NRXN3: variants seen among roughly 807,000 people sequenced by gnomAD.
NRXN3 encodes neurexin 3, also known as neurexin III.
A neutral mutation model predicts 137.6 loss-of-function variants in NRXN3; 32 were observed. That is an observed-to-expected ratio of 0.23 (90% confidence interval 0.18 to 0.31). The LOEUF (loss-of-function observed/expected upper bound fraction) is 0.31, where lower values mean the gene tolerates loss of function less well. Ranked by LOEUF, NRXN3 falls within the 10% of genes least tolerant of loss-of-function variation. The pLI is 1.00. For synonymous variants in NRXN3, 798 were observed against 784.5 expected, an observed-to-expected ratio of 1.02 and a Z score of -0.29; for missense variants, 1,574 against 2,062.5, an observed-to-expected ratio of 0.76 and a Z score of 4.59.
At chr14:79,148,496 A>G (rs1366202484) in intron 15 of NRXN3, among the ~76,000 whole-genome samples, 1 of 152,170 alleles carries the variant, frequency 6.6e-6, no homozygotes, top group Non-Finnish European at 1.5e-5. Flanking sequence ...CCTGTTGGAC[A>G]CATTGTTAAA....
chr14:79,360,206 G>C (rs751761359), intron 15 of NRXN3, among the ~76,000 whole-genome samples: 10 of 152,176 alleles, frequency 6.6e-5, no homozygotes, highest in Non-Finnish European at 1.5e-4. Flanking sequence ...GCATCAAAAT[G>C]AACATTTTTC....
intron 16 of NRXN3, among the ~76,000 whole-genome samples, chr14:79,490,484 TA>T (rs975471303): frequency 6.6e-6 from 1 of 151,942 alleles, no homozygotes; most frequent in African/African-American, 2.4e-5. Flanking sequence ...TATTCAGTCA[TA>T]AAAAAAGAAT....
chr14:78,747,563 T>C (rs998659188), intron 8 of NRXN3, among the ~76,000 whole-genome samples: 3 of 152,180 alleles, frequency 2.0e-5, no homozygotes, highest in Admixed American at 2.0e-4. Context: ...TGATTTTCTT[T>C]TTCCTAATTT....
chr14:79,710,861 G>GAAAT lies in NRXN3; in HGVS notation c.4014+12926_4014+12929dup, dbSNP rs1215718506. 4.6e-5 allele frequency among the ~76,000 whole-genome samples: 7 copies of GAAAT among 152,250 alleles called. No individual in the cohort carries two copies. The East Asian group carries it at 7.7e-4, about 17-fold the overall frequency. Reference sequence around the variant, plus strand: ...GCAAGACTTTGGAGAAATAAAGAATGAAATAGAAATTTTTCTGCTTTAGAG... The same window carrying GAAAT: ...GCAAGACTTTGGAGAAATAAAGAATGAAATAAATAGAAATTTTTCTGCTTTAGAG... On this transcript the variant is annotated intron_variant, in intron 19 of 20. Coordinates refer to ENST00000335750, the MANE Select transcript of NRXN3 (RefSeq NM_001330195.2).
intron 4 of NRXN3, among the ~76,000 whole-genome samples, chr14:78,607,187 A>T (rs989342659): frequency 2.0e-5 from 3 of 152,332 alleles, no homozygotes; most frequent in Middle Eastern, 3.4e-3. Context: ...GGACCAAATC[A>T]TGTCTTTATT....
chr14:78,548,826 C>G (rs948459597), intron 4 of NRXN3, among the ~76,000 whole-genome samples: 2 of 152,164 alleles, frequency 1.3e-5, no homozygotes, highest in Non-Finnish European at 2.9e-5. Flanking sequence ...TACCCAAGAC[C>G]AGGTCCCTTC....
intron 15 of NRXN3, among the ~76,000 whole-genome samples, chr14:79,431,241 T>G (rs2095749292): frequency 6.6e-6 from 1 of 152,210 alleles, no homozygotes; most frequent in Non-Finnish European, 1.5e-5. Flanking sequence ...CCCTCTGCCA[T>G]AAGTTTGCAA....
At chr14:79,783,114 C>T (rs1033617502) in intron 19 of NRXN3, among the ~76,000 whole-genome samples, 20 of 152,110 alleles carry the variant, frequency 1.3e-4, no homozygotes, top group African/African-American at 4.6e-4. Flanking sequence ...ATAAATGTCC[C>T]GAGAGCTTTG....
chr14:79,770,277 A>C (rs1046395888), intron 19 of NRXN3, among the ~76,000 whole-genome samples: 9 of 152,242 alleles, frequency 5.9e-5, no homozygotes, highest in African/African-American at 1.7e-4. Context: ...AGCGGACCTA[A>C]TAGACATCTC....
At chr14:78,934,549 C>T (rs1209024427) in intron 10 of NRXN3, among the ~76,000 whole-genome samples, 1 of 152,142 alleles carries the variant, frequency 6.6e-6, no homozygotes, top group Non-Finnish European at 1.5e-5. Context: ...ACTCTCCTAC[C>T]GATGCCTTTA....
intron 19 of NRXN3, among the ~76,000 whole-genome samples, chr14:79,783,232 C>T (rs1194208791): frequency 6.6e-6 from 1 of 152,130 alleles, no homozygotes; most frequent in African/African-American, 2.4e-5. Context: ...ATAAAGTGGA[C>T]GTTAATTGGC....
chr14:78,489,706 G>A (rs2095629028), intron 4 of NRXN3, among the ~76,000 whole-genome samples: 1 of 152,014 alleles, frequency 6.6e-6, no homozygotes. Flanking sequence ...TGAGGGATTA[G>A]GTGAGGAAAT....
intron 15 of NRXN3, among the ~76,000 whole-genome samples, chr14:79,446,157 A>AT (rs1454636419): frequency 6.6e-6 from 1 of 152,192 alleles, no homozygotes; most frequent in East Asian, 1.9e-4. Flanking sequence ...AGTTTATATG[A>AT]TAAAAATTAA....
At chr14:78,913,608 C>G (rs1407502867) in intron 10 of NRXN3, among the ~76,000 whole-genome samples, 1 of 152,106 alleles carries the variant, frequency 6.6e-6, no homozygotes, top group Non-Finnish European at 1.5e-5. Flanking sequence ...CTTCTAATCA[C>G]TAAATCCAAT....
chr14:79,354,884 A>T (rs1599067083), intron 15 of NRXN3, among the ~76,000 whole-genome samples: 1 of 152,322 alleles, frequency 6.6e-6, no homozygotes, highest in Middle Eastern at 3.4e-3. Flanking sequence ...AGATGCTGAC[A>T]TATGAGGATT....
intron 20 of NRXN3, chr14:79,853,812 T>G (rs946176101): frequency 9.1e-6 from 9 of 989,920 alleles, no homozygotes; most frequent in Non-Finnish European, 6.0e-6. Flanking sequence ...ATGCAGAAAT[T>G]CATTCAAAAC....
intron 15 of NRXN3, among the ~76,000 whole-genome samples, chr14:79,045,439 A>AATCATGT (rs1325668327): frequency 6.6e-6 from 1 of 152,210 alleles, no homozygotes; most frequent in Non-Finnish European, 1.5e-5. Flanking sequence ...AAGCCGCATG[A>AATCATGT]ATCATGTCCT....
intron 20 of NRXN3, chr14:79,853,771 CA>C: frequency 2.9e-6 from 3 of 1,029,546 alleles, no homozygotes; most frequent in East Asian, 8.8e-5. Flanking sequence ...GTCAAAAAGA[CA>C]AAAAAATATA....
At chr14:79,309,040 C>A (rs2086703694) in intron 15 of NRXN3, among the ~76,000 whole-genome samples, 1 of 109,252 alleles carries the variant, frequency 9.2e-6, no homozygotes, top group African/African-American at 3.7e-5. Context: ...ACTAACGTGT[C>A]ATCTAGCATT....
Sources: allele counts gnomAD v4.1 joint callset (sites outside exome capture counted in the v4.1 genomes callset), GRCh38; gene constraint gnomAD v4.1.1; transcripts MANE v1.5; gene names NCBI Gene and HGNC (gene_info 2026-07-23, HGNC 2026-07-21).